The following FRMD3 variants were observed in gnomAD, a reference collection of about 807,000 sequenced individuals.
FRMD3 encodes FERM domain-containing protein 3.
Under a neutral mutation model 70.2 loss-of-function variants are expected in FRMD3, and 33 were observed. That is an observed-to-expected ratio of 0.47 (90% CI 0.36 to 0.63). The LOEUF (loss-of-function observed/expected upper bound fraction) is 0.63, where lower values mean the gene tolerates loss of function less well. FRMD3 is among the 20% of genes least tolerant of loss of function. The pLI is 0.00. For missense variants in FRMD3, 632 were observed against 711.4 expected (o/e 0.89, Z 1.27); for synonymous variants, 279 against 255.9 (o/e 1.09, Z -0.86).
chr9:83,399,142 A>G (rs1825883900), intron 1 of FRMD3, among the ~76,000 whole-genome samples: 1 of 152,224 alleles, frequency 6.6e-6, no homozygotes, highest in African/African-American at 2.4e-5. Flanking sequence ...TAGTGCATCC[A>G]GGAGAAGATG....
chr9:83,424,056 G>C (rs1208119963), intron 1 of FRMD3, among the ~76,000 whole-genome samples: 1 of 152,158 alleles, frequency 6.6e-6, no homozygotes, highest in Non-Finnish European at 1.5e-5. Flanking sequence ...ATCACTTGAA[G>C]ATCTTATTAA....
intron 1 of FRMD3, among the ~76,000 whole-genome samples, chr9:83,455,484 T>G (rs576087353): frequency 6.6e-6 from 1 of 152,154 alleles, no homozygotes; most frequent in Non-Finnish European, 1.5e-5. Flanking sequence ...CTTTTGCTTC[T>G]TCCTCATTTT....
intron 1 of FRMD3, among the ~76,000 whole-genome samples, chr9:83,423,520 G>A (rs190252625): frequency 1.3e-4 from 19 of 147,480 alleles, no homozygotes; most frequent in Admixed American, 8.8e-4. Context: ...TGGTAGCCAC[G>A]AACCACATGT....
At chr9:83,504,543 C>T (rs1188189443) in intron 1 of FRMD3, among the ~76,000 whole-genome samples, 1 of 152,100 alleles carries the variant, frequency 6.6e-6, no homozygotes, top group African/African-American at 2.4e-5. Context: ...TGCCTCAAGA[C>T]CTTTACATCT....
intron 5 of FRMD3, among the ~76,000 whole-genome samples, chr9:83,342,443 A>C (rs964592689): frequency 6.6e-5 from 10 of 152,208 alleles, no homozygotes; most frequent in African/African-American, 2.4e-4. Context: ...AGGGAGGATG[A>C]CTATCCCATT....
At chr9:83,289,542 C>T (rs1834336229) in intron 13 of FRMD3, among the ~76,000 whole-genome samples, 1 of 152,184 alleles carries the variant, frequency 6.6e-6, no homozygotes, top group Non-Finnish European at 1.5e-5. Context: ...TTGCTGCTAC[C>T]TATCTCAAGG....
intron 13 of FRMD3, among the ~76,000 whole-genome samples, chr9:83,265,423 C>T (rs1185147461): frequency 1.4e-5 from 2 of 141,318 alleles, no homozygotes; most frequent in Non-Finnish European, 3.1e-5. Context: ...AAAAAAAGTG[C>T]CTGTGTCATA....
At chr9:83,520,346 A>G (rs1265982648) in intron 1 of FRMD3, among the ~76,000 whole-genome samples, 1 of 152,180 alleles carries the variant, frequency 6.6e-6, no homozygotes, top group African/African-American at 2.4e-5. Context: ...AATTTCTTAT[A>G]GTTTTGAAAT....
intron 5 of FRMD3, among the ~76,000 whole-genome samples, chr9:83,335,876 A>G (rs1042185520): frequency 6.6e-6 from 1 of 152,180 alleles, no homozygotes; most frequent in Non-Finnish European, 1.5e-5. Context: ...CTTTATCAGT[A>G]TAATAAAGGA....
chr9:83,500,502 G>GTGTATGCACACA (rs1554713117), intron 1 of FRMD3, among the ~76,000 whole-genome samples: 209 of 143,496 alleles, frequency 1.5e-3, no homozygotes, highest in Middle Eastern at 7.0e-3. Flanking sequence ...GTGTATGCGC[G>GTGTATGCACACA]CACACACACA....
At chr9:83,476,832 TAGC>T (rs143108446) in intron 1 of FRMD3, among the ~76,000 whole-genome samples, 3 of 152,076 alleles carry the variant, frequency 2.0e-5, no homozygotes, top group African/African-American at 7.2e-5. Flanking sequence ...CAGGATTTCA[TAGC>T]AGCCTACACT....
At chr9:83,249,621 T>C (rs1010395030) in intron 13 of FRMD3, among the ~76,000 whole-genome samples, 10 of 152,186 alleles carry the variant, frequency 6.6e-5, no homozygotes, top group African/African-American at 2.4e-4. Context: ...TCTAGTCTGA[T>C]AGCACTGAGA....
At chr9:83,390,081 C>T (rs963290835) in intron 1 of FRMD3, among the ~76,000 whole-genome samples, 1 of 152,162 alleles carries the variant, frequency 6.6e-6, no homozygotes, top group Non-Finnish European at 1.5e-5. Flanking sequence ...CATACAACGG[C>T]CTAACTGCTT....
At chr9:83,446,423 G>A (rs557467471) in intron 1 of FRMD3, among the ~76,000 whole-genome samples, 98 of 152,158 alleles carry the variant, frequency 6.4e-4, no homozygotes, top group Non-Finnish European at 1.3e-3. Flanking sequence ...CGAGGCGGGC[G>A]GATCACAAGG....
At chr9:83,494,788 CT>C (rs1828902332) in intron 1 of FRMD3, among the ~76,000 whole-genome samples, 2 of 151,774 alleles carry the variant, frequency 1.3e-5, no homozygotes, top group Non-Finnish European at 2.9e-5. Flanking sequence ...TGGCATGTGC[CT>C]GTAGTCCCAG....
the FRMD3 span, among the ~76,000 whole-genome samples, chr9:83,582,906 G>A: frequency 6.6e-6 from 1 of 152,176 alleles, no homozygotes; most frequent in Non-Finnish European, 1.5e-5. Flanking sequence ...TCAGTTTCAA[G>A]TTGTAAGAGA....
At chr9:83,473,523 G>A (rs181873931) in intron 1 of FRMD3, among the ~76,000 whole-genome samples, 54 of 152,274 alleles carry the variant, frequency 3.5e-4, no homozygotes, top group Non-Finnish European at 5.9e-5. Flanking sequence ...CGTAGAAACA[G>A]AAAGTACATC....
chr9:83,359,646 G>A (rs559352430), intron 3 of FRMD3, among the ~76,000 whole-genome samples: 1 of 152,240 alleles, frequency 6.6e-6, no homozygotes, highest in African/African-American at 2.4e-5. Flanking sequence ...AAACACTGAA[G>A]TTTGAATTTG....
intron 1 of FRMD3, among the ~76,000 whole-genome samples, chr9:83,507,118 T>C (rs1387951471): frequency 6.6e-6 from 1 of 152,134 alleles, no homozygotes; most frequent in African/African-American, 2.4e-5. Flanking sequence ...CCCAGCACTT[T>C]GGGAGGCCAA....
Sources: gnomAD v4.1 joint callset for allele counts (sites outside exome capture counted in the v4.1 genomes callset) on GRCh38, gnomAD v4.1.1 for gene constraint, MANE v1.5 for transcripts, NCBI Gene and HGNC (gene_info 2026-07-23, HGNC 2026-07-21) for gene names.